SLC38A1: variants seen among roughly 807,000 people sequenced by gnomAD.
The protein encoded by SLC38A1 is solute carrier family 38 member 1.
Under a neutral mutation model 60.3 loss-of-function variants are expected in SLC38A1, and 18 were observed. The observed-to-expected ratio is 0.30, with a 90% CI of 0.21 to 0.44. The LOEUF is 0.44. Ranked by LOEUF, SLC38A1 falls within the 20% of genes least tolerant of loss-of-function variation. The pLI is 1.00. For missense variants in SLC38A1, 448 were observed against 587.2 expected, an observed-to-expected ratio of 0.76 and a Z score of 2.45; for synonymous variants, 196 against 212.1, an observed-to-expected ratio of 0.92 and a Z score of 0.66.
At position 46,204,365 on chromosome 12, in the gene SLC38A1, G is replaced by A; in HGVS notation, c.758C>T (p.Thr253Ile). 1 of 1,613,686 alleles carries A rather than the reference G, an allele frequency of 6.2e-7. No homozygotes were observed. The highest frequency in any genetic ancestry group is 8.5e-7 in the Non-Finnish European group (1 of 1,179,736). Reference protein sequence around the residue: ...IPCIVPELNSTISANSTNADT... With the variant: ...IPCIVPELNSIISANSTNADT... Reference sequence around the variant, plus strand: ...AGCATTTGTTGAATTAGCACTTATTGTTGAATTTAGCTCTGGAACAATGCA... The same window carrying A: ...AGCATTTGTTGAATTAGCACTTATTATTGAATTTAGCTCTGGAACAATGCA... Residue 253 changes from threonine to isoleucine, a missense_variant, in exon 11 of 17, where the codon ACA becomes ATA. Coordinates refer to ENST00000398637, the MANE Select transcript of SLC38A1 (RefSeq NM_030674.4).
chr12:46,198,766 G>A (rs757603810), intron 13 of SLC38A1, 23 bp from the exon 14 acceptor site: 19 of 1,501,674 alleles, frequency 1.3e-5, no homozygotes, highest in Non-Finnish European at 1.6e-5. Flanking sequence ...AAAAGCAAGA[G>A]GGTTTTAAAA....
chr12:46,266,099 G>A (rs1324283028), intron 1 of SLC38A1, among the ~76,000 whole-genome samples: 4 of 152,188 alleles, frequency 2.6e-5, no homozygotes, highest in Non-Finnish European at 5.9e-5. Flanking sequence ...TAGAACGGAA[G>A]GGATGGCCAA....
Position 46,193,928 on chromosome 12 carries a change from T to C in SLC38A1, c.1362+3792A>G, listed in dbSNP as rs1468179073. ...TCTTTTAATTGGGGCATTTAGCCCATTTACATTTGAGGTTAATATTGTTAT... is the reference window on the plus strand; with the variant it reads ...TCTTTTAATTGGGGCATTTAGCCCACTTACATTTGAGGTTAATATTGTTAT... On this transcript the variant is annotated intron_variant, in intron 16 of 16. Coordinates refer to ENST00000398637, the MANE Select transcript of SLC38A1 (RefSeq NM_030674.4). Among the ~76,000 whole-genome samples the C allele has an allele frequency of 3.9e-5, 6 of 152,222 alleles. No homozygotes were observed. The East Asian group carries it at 1.2e-3, about 29-fold the overall frequency.
At chr12:46,226,718 C>T (rs1940880241) in intron 5 of SLC38A1, among the ~76,000 whole-genome samples, 1 of 149,526 alleles carries the variant, frequency 6.7e-6, no homozygotes, top group African/African-American at 2.5e-5. Flanking sequence ...CGGGTTCAAT[C>T]GATTCTCCTG....
intron 5 of SLC38A1, among the ~76,000 whole-genome samples, chr12:46,211,137 G>C (rs1009938174): frequency 6.6e-6 from 1 of 152,178 alleles, no homozygotes; most frequent in Admixed American, 6.5e-5. Flanking sequence ...GAGTTCACTT[G>C]TTTTGAGGGA....
At chr12:46,256,573 C>T (rs1047203743) in intron 1 of SLC38A1, among the ~76,000 whole-genome samples, 2 of 151,288 alleles carry the variant, frequency 1.3e-5, no homozygotes, top group Non-Finnish European at 2.9e-5. Flanking sequence ...AAGGACATGA[C>T]TGACCGGAAG....
intron 5 of SLC38A1, among the ~76,000 whole-genome samples, chr12:46,219,394 A>G (rs1940560411): frequency 6.6e-6 from 1 of 152,236 alleles, no homozygotes; most frequent in African/African-American, 2.4e-5. Flanking sequence ...TACACTTTAC[A>G]ACTATCTTTT....
chr12:46,257,580 C>A (rs188200735), intron 1 of SLC38A1, among the ~76,000 whole-genome samples: 1 of 152,008 alleles, frequency 6.6e-6, no homozygotes, highest in Non-Finnish European at 1.5e-5. Flanking sequence ...TTGTACCTTC[C>A]GGGTTTGGCA....
chr12:46,190,102 G>A (rs961310125), intron 16 of SLC38A1, among the ~76,000 whole-genome samples: 6 of 152,078 alleles, frequency 3.9e-5, no homozygotes, highest in South Asian at 2.1e-4. Context: ...CCCACCCCAC[G>A]ACAGGCCCTG....
intron 3 of SLC38A1, among the ~76,000 whole-genome samples, chr12:46,235,552 CTT>C (rs1565781827): frequency 1.3e-5 from 2 of 152,216 alleles, no homozygotes; most frequent in Non-Finnish European, 1.5e-5. Flanking sequence ...GAAAAAAAGA[CTT>C]TAATTGTAAC....
intron 3 of SLC38A1, among the ~76,000 whole-genome samples, chr12:46,234,743 T>C (rs780913530): frequency 3.3e-5 from 5 of 152,162 alleles, no homozygotes; most frequent in Non-Finnish European, 5.9e-5. Flanking sequence ...ATTTAAAAAA[T>C]ACATAAAACT....
intron 5 of SLC38A1, among the ~76,000 whole-genome samples, chr12:46,210,698 G>GT (rs551989959): frequency 5.9e-5 from 9 of 152,076 alleles, no homozygotes; most frequent in African/African-American, 1.7e-4. Flanking sequence ...AGATCTGATG[G>GT]TTTTTTTATA....
chr12:46,250,483 G>T (rs796726474), intron 1 of SLC38A1, among the ~76,000 whole-genome samples: 1 of 152,156 alleles, frequency 6.6e-6, no homozygotes, highest in Non-Finnish European at 1.5e-5. Context: ...GGAAGTTCTG[G>T]CCAGGGCAAT....
rs1267179262 is a variant in SLC38A1 at position 46,187,812 on chromosome 12, A to G, written c.*1158T>C. The G allele has an allele frequency of 6.8e-6, 1 of 147,672 alleles. No homozygotes were observed. The highest frequency in any genetic ancestry group is 2.5e-5 in the African/African-American group (1 of 39,628). The allele number at this position is 147,672 out of a possible 1,614,324, so 9.1% of individuals were successfully genotyped here. On this transcript the variant is annotated 3_prime_UTR_variant, in exon 17 of 17. Transcript: ENST00000398637. ...TTTTTTTTTTTTTTCACAAGACTAG[A>G]TGGAGAATTAATGAAGAAGAAATAG...
intron 6 of SLC38A1, among the ~76,000 whole-genome samples, chr12:46,208,363 TATGGGACAGGCTATA>T (rs1477316525): frequency 2.6e-5 from 4 of 152,226 alleles, no homozygotes; most frequent in Non-Finnish European, 4.4e-5. Context: ...CGGAGAGCAA[TATGGGACAGGCTATA>T]ATTAAACCTT....
intron 1 of SLC38A1, among the ~76,000 whole-genome samples, chr12:46,264,470 A>G (rs1942292520): frequency 6.6e-6 from 1 of 152,218 alleles, no homozygotes; most frequent in South Asian, 2.1e-4. Flanking sequence ...CTCCTCTGTT[A>G]TTAGTAAGGT....
At chr12:46,246,510 C>T (rs907234032) in intron 1 of SLC38A1, among the ~76,000 whole-genome samples, 7 of 152,260 alleles carry the variant, frequency 4.6e-5, no homozygotes, top group Admixed American at 2.0e-4. Context: ...CAAGGAAGCT[C>T]GAACTGGGTG....
intron 1 of SLC38A1, among the ~76,000 whole-genome samples, chr12:46,249,769 CCT>C (rs1941768906): frequency 6.6e-6 from 1 of 152,026 alleles, no homozygotes; most frequent in East Asian, 1.9e-4. Context: ...GCACATACAC[CCT>C]CTCAACACTA....
intron 5 of SLC38A1, among the ~76,000 whole-genome samples, chr12:46,213,027 T>C (rs1478914011): frequency 6.6e-6 from 1 of 152,222 alleles, no homozygotes; most frequent in East Asian, 1.9e-4. Context: ...TTTAATTCTT[T>C]GAACTGTTCA....
Sources: gnomAD v4.1 joint callset for allele counts (sites outside exome capture counted in the v4.1 genomes callset) on GRCh38, gnomAD v4.1.1 for gene constraint, MANE v1.5 for transcripts, NCBI Gene and HGNC (gene_info 2026-07-23, HGNC 2026-07-21) for gene names.